Variants in H2AZ2 observed in about 807,000 individuals in gnomAD.
H2AZ2 encodes histone H2A.V.
H2AZ2 carries 5 observed loss-of-function variants against 15.5 expected under a neutral mutation model. The ratio of observed to expected loss-of-function variants is 0.32; its 90% CI spans 0.17 to 0.68. H2AZ2 has a LOEUF of 0.68. Ranked by LOEUF, H2AZ2 falls within the 30% of genes least tolerant of loss-of-function variation. The pLI is 0.72. For missense variants in H2AZ2, 42 were observed against 162.5 expected (o/e 0.26, Z 4.03); for synonymous variants, 44 against 57.4 (o/e 0.77, Z 1.05).
In H2AZ2 at chr7:44,835,629, C is replaced by T; in HGVS notation, c.225G>A (p.Lys75=). 6.2e-7 allele frequency: 1 copy of T among 1,610,056 alleles called. No homozygotes were observed. Among genetic ancestry groups the T allele is most frequent in the Non-Finnish European group, 8.5e-7 (1 of 1,177,388 alleles). Reference sequence around the variant, plus strand: ...GAGTGATACGCTTTACTTTGAGATCCTTAGAAGCATTACCTGCCAGCTCCA... The same window carrying T: ...GAGTGATACGCTTTACTTTGAGATCTTTAGAAGCATTACCTGCCAGCTCCA... ...EVLELAGNAS[K]DLKVKRITPR... The change falls in exon 4 of 5, where the codon AAG becomes AAA. Residue 75 remains lysine (K), a synonymous_variant. Coordinates refer to ENST00000308153, the MANE Select transcript of H2AZ2 (RefSeq NM_012412.5).
At chr7:44,827,528 C>G (rs1792942402), downstream of H2AZ2, 1 of 152,182 alleles carries the variant, frequency 6.6e-6, no homozygotes. Context: ...CTGGAAGAAA[C>G]CAGCCTCATT....
intron 3 of H2AZ2, 53 bp from the exon 4 acceptor site, chr7:44,835,711 G>A: frequency 6.7e-7 from 1 of 1,491,452 alleles, no homozygotes; most frequent in Non-Finnish European, 9.0e-7. Flanking sequence ...GATCCCAAAT[G>A]AAGGATCACT....
intron 3 of H2AZ2, among the ~76,000 whole-genome samples, chr7:44,838,295 T>C (rs1793181602): frequency 6.6e-6 from 1 of 151,888 alleles, no homozygotes; most frequent in African/African-American, 2.4e-5. Context: ...TCTTAATGCT[T>C]ATAGAAAAGT....
chr7:44,846,085 A>G (rs1793398634), intron 1 of H2AZ2, among the ~76,000 whole-genome samples: 1 of 150,498 alleles, frequency 6.6e-6, no homozygotes, highest in Non-Finnish European at 1.5e-5. Flanking sequence ...AGAGAGAGAG[A>G]GAGGAGGAAG....
Position 44,833,910 on chromosome 7 carries a change from G to A in H2AZ2, c.*591C>T, listed in dbSNP as rs1562784673. ...TGGCACATGGTAAGTGCTTGGTGTA[G>A]AATTCAAATAATTCCACTACCATTT... On this transcript the variant is annotated 3_prime_UTR_variant, in exon 5 of 5. Coordinates refer to ENST00000308153, the MANE Select transcript of H2AZ2 (RefSeq NM_012412.5). Among the ~76,000 whole-genome samples the A allele has an allele frequency of 6.6e-6, 1 of 152,182 alleles. No individual in the cohort carries two copies. The highest frequency in any genetic ancestry group is 1.5e-5 in the Non-Finnish European group (1 of 68,036).
In H2AZ2 at chr7:44,841,836, C is replaced by T. The variant is rs756618253; in HGVS notation, c.82-824G>A. On this transcript the variant is annotated intron_variant, in intron 2 of 4. Coordinates refer to ENST00000308153, the MANE Select transcript of H2AZ2 (RefSeq NM_012412.5). ...TCCATTATTTCAACAGCTACAATTA[C>T]TTCCTTTCCGCTGGTTCCTTTCCTT... Among the ~76,000 whole-genome samples the T allele has an allele frequency of 7.9e-5, 12 of 152,222 alleles. No homozygotes were observed. In the East Asian group the frequency reaches 2.1e-3, roughly 27 times the overall value.
At chr7:44,836,833 A>G (rs1430826547) in intron 3 of H2AZ2, among the ~76,000 whole-genome samples, 1 of 151,784 alleles carries the variant, frequency 6.6e-6, no homozygotes, top group African/African-American at 2.4e-5. Context: ...TGTCTCTACT[A>G]AAAATACAAA....
At chr7:44,838,581 A>T (rs986282064) in intron 3 of H2AZ2, among the ~76,000 whole-genome samples, 20 of 152,172 alleles carry the variant, frequency 1.3e-4, no homozygotes, top group African/African-American at 4.6e-4. Context: ...GGAACCCAGA[A>T]GGCAGAGGTT....
chr7:44,845,143 A>G (rs1793366031), intron 1 of H2AZ2, among the ~76,000 whole-genome samples: 1 of 152,142 alleles, frequency 6.6e-6, no homozygotes, highest in Admixed American at 6.5e-5. Flanking sequence ...TTACCCCTGT[A>G]TACTTCCTCT....
chr7:44,838,309 A>T lies in H2AZ2; in HGVS notation c.195+2590T>A, dbSNP rs967024629. ...TTCTTAATGCTTATAGAAAAGTTTT[A>T]AAATGTATTTTAATTAAAATTTAAA... On this transcript the variant is annotated intron_variant, in intron 3 of 4. Coordinates refer to ENST00000308153, the MANE Select transcript of H2AZ2 (RefSeq NM_012412.5). Among the ~76,000 whole-genome samples, 69 of 152,086 alleles carry T rather than the reference A, an allele frequency of 4.5e-4. 1 individual carries two copies. Among genetic ancestry groups the T allele is most frequent in the African/African-American group, 1.5e-3 (64 of 41,548 alleles).
At chr7:44,846,939 C>G (rs974340614) in intron 1 of H2AZ2, among the ~76,000 whole-genome samples, 4 of 152,148 alleles carry the variant, frequency 2.6e-5, no homozygotes, top group African/African-American at 9.7e-5. Flanking sequence ...TTTACAATAA[C>G]CAAACATTGT....
chr7:44,846,054 C>CAG (rs1562790058), intron 1 of H2AZ2, among the ~76,000 whole-genome samples: 5 of 95,956 alleles, frequency 5.2e-5, no homozygotes, highest in South Asian at 5.9e-4. Context: ...CACACACACA[C>CAG]ACACACACAG....
At chr7:44,836,254 C>T (rs116620632) in intron 3 of H2AZ2, among the ~76,000 whole-genome samples, 2,367 of 152,196 alleles carry the variant, frequency 0.016, 67 homozygotes, top group African/African-American at 0.054. Context: ...TGAGCCACCA[C>T]GCCCAGTCAA....
chr7:44,828,767 A>C (rs745567331), downstream of H2AZ2: 1 of 152,192 alleles, frequency 6.6e-6, no homozygotes, highest in Non-Finnish European at 1.5e-5. Context: ...TAGCACAGCA[A>C]ATTTATATGC....
rs1793023449 is a variant in H2AZ2 at position 44,832,803 on chromosome 7, A to G, written c.*1698T>C. Among the ~76,000 whole-genome samples, 1 of 152,048 alleles carries G rather than the reference A, an allele frequency of 6.6e-6. No individual in the cohort carries two copies. Among genetic ancestry groups the G allele is most frequent in the African/African-American group, 2.4e-5 (1 of 41,396 alleles). ...GTCTCTTACATAAATAAAAAAAATT[A>G]GCCAGGTATGGTGGCATGTGCCTGT... is the stretch of plus-strand genomic sequence containing the variant. On this transcript the variant is annotated 3_prime_UTR_variant, in exon 5 of 5. Coordinates refer to ENST00000308153, the MANE Select transcript of H2AZ2 (RefSeq NM_012412.5).
intron 1 of H2AZ2, among the ~76,000 whole-genome samples, chr7:44,843,834 A>G (rs1020670196): frequency 1.3e-5 from 2 of 152,222 alleles, no homozygotes; most frequent in Non-Finnish European, 2.9e-5. Context: ...CTGGGATTAC[A>G]GGCATAAGCC....
At chr7:44,835,955 CTTTTTTTTTTTTT>C (rs56386314) in intron 3 of H2AZ2, among the ~76,000 whole-genome samples, 4 of 90,918 alleles carry the variant, frequency 4.4e-5, no homozygotes, top group African/African-American at 1.1e-4. Flanking sequence ...TTAGAAAAGT[CTTTTTTTTTTTTT>C]TTTTTTTTTG....
rs565521906 is a variant in H2AZ2, at chr7:44,832,979, GATAA to G, written c.*1518_*1521del. On this transcript the variant is annotated 3_prime_UTR_variant, in exon 5 of 5. Transcript: ENST00000308153. ...CAAACAAAAAAGTTTCTTAGAAACT[GATAA>G]ATAAATATAATTTTTAAAAGATTGT... Among the ~76,000 whole-genome samples the G allele has an allele frequency of 5.9e-5, 9 of 152,060 alleles. No individual in the cohort carries two copies. Among genetic ancestry groups the G allele is most frequent in the South Asian group, 4.2e-4 (2 of 4,818 alleles).
intron 2 of H2AZ2, among the ~76,000 whole-genome samples, chr7:44,842,052 C>A (rs1352031307): frequency 6.6e-6 from 1 of 152,152 alleles, no homozygotes. Context: ...TAAAAACAAG[C>A]AATCTTTTTT....
Sources: allele counts gnomAD v4.1 joint callset (sites outside exome capture counted in the v4.1 genomes callset), GRCh38; gene constraint gnomAD v4.1.1; transcripts MANE v1.5; gene names NCBI Gene and HGNC (gene_info 2026-07-23, HGNC 2026-07-21).